Variants in HS3ST5 observed in about 807,000 individuals in gnomAD.
HS3ST5 encodes heparan sulfate-glucosamine 3-sulfotransferase 5, also known as heparan sulfate glucosamine 3-O-sulfotransferase 5.
A neutral mutation model predicts 25.4 loss-of-function variants in HS3ST5; 10 were observed. The observed-to-expected ratio is 0.39, with a 90% confidence interval of 0.24 to 0.67. The LOEUF (loss-of-function observed/expected upper bound fraction) is 0.67. Ranked by LOEUF, HS3ST5 falls within the 30% of genes least tolerant of loss-of-function variation. The pLI is 0.44. For synonymous variants in HS3ST5, 170 were observed against 162.4 expected, an observed-to-expected ratio of 1.05 and a Z score of -0.36; for missense variants, 324 against 420.7, an observed-to-expected ratio of 0.77 and a Z score of 2.01.
At chr6:114,099,104 A>T (rs13214829) in intron 3 of HS3ST5, among the ~76,000 whole-genome samples, 1 of 152,032 alleles carries the variant, frequency 6.6e-6, no homozygotes, top group African/African-American at 2.4e-5. Flanking sequence ...AGTCAGCGCT[A>T]GTCTTCCATG....
rs536631023 is a variant in HS3ST5 at position 114,057,986 on chromosome 6, C to T, written c.312G>A (p.Arg104=). Residue 104 remains arginine (R), a synonymous_variant, in exon 5 of 5, where the codon AGG becomes AGA. Coordinates refer to ENST00000312719, the MANE Select transcript of HS3ST5 (RefSeq NM_153612.4). The stretch of plus-strand genomic sequence containing the variant: ...GTAGGTTCAGCATTTCAAGCAGGGC[C>T]CTTGTGCCTCCTTTCCTCACCCCAA... ...IIIGVRKGGT[R]ALLEMLNLHP... 721 of 1,614,180 alleles carry T rather than the reference C, an allele frequency of 4.5e-4. 10 individuals are homozygous for T. In the South Asian group the frequency reaches 7.5e-3, roughly 17 times the overall value.
chr6:114,264,088 T>A (rs905460348), intron 1 of HS3ST5, among the ~76,000 whole-genome samples: 1 of 152,230 alleles, frequency 6.6e-6, no homozygotes, highest in African/African-American at 2.4e-5. Flanking sequence ...AATATGAATA[T>A]TATTTTAAAA....
Position 114,342,944 on chromosome 6 carries a change from T to G in HS3ST5, c.-1088A>C, listed in dbSNP as rs1214521023. 6.6e-6 allele frequency: 1 copy of G among 152,296 alleles called. No individual in the cohort carries two copies. The highest frequency in any genetic ancestry group is 1.5e-5 in the Non-Finnish European group (1 of 68,184). The allele number at this position is 152,296 out of a possible 1,614,324, so 9.4% of individuals were successfully genotyped here. On this transcript the variant is annotated 5_prime_UTR_variant, in exon 1 of 5. Coordinates refer to ENST00000312719, the MANE Select transcript of HS3ST5 (RefSeq NM_153612.4). The stretch of plus-strand genomic sequence containing the variant: ...AGACGTGCCCAGCTGTGTGCGCGTG[T>G]GTGTGTCTAAGCGAATCTCTTCCCC...
chr6:114,188,068 T>A (rs1294828608), intron 2 of HS3ST5, among the ~76,000 whole-genome samples: 2 of 152,190 alleles, frequency 1.3e-5, no homozygotes, highest in Non-Finnish European at 2.9e-5. Flanking sequence ...GCCAAAAAAA[T>A]TCATGTGACT....
At chr6:114,117,167 T>G (rs1776572065) in intron 3 of HS3ST5, among the ~76,000 whole-genome samples, 1 of 152,218 alleles carries the variant, frequency 6.6e-6, no homozygotes, top group East Asian at 1.9e-4. Flanking sequence ...CTAAAATTAA[T>G]GTTGAAGAAA....
rs181485957 is a variant in HS3ST5 at position 114,092,427 on chromosome 6, T to C, written c.-32-29550A>G. On this transcript the variant is annotated intron_variant, in intron 3 of 4. Coordinates refer to ENST00000312719, the MANE Select transcript of HS3ST5 (RefSeq NM_153612.4). ...TTTTAATATCATTGAAGAAATTAGC[T>C]TGAATAACCTGAAACTTAGCACACC... is the stretch of plus-strand genomic sequence containing the variant. Among the ~76,000 whole-genome samples, 14 of 152,240 alleles carry C rather than the reference T, an allele frequency of 9.2e-5. No homozygotes were observed. The East Asian group carries it at 2.3e-3, about 25-fold the overall frequency.
chr6:114,232,285 C>T (rs1261871759), intron 1 of HS3ST5, among the ~76,000 whole-genome samples: 1 of 152,120 alleles, frequency 6.6e-6, no homozygotes, highest in Non-Finnish European at 1.5e-5. Flanking sequence ...GGTCTATGAC[C>T]AATCATTTGG....
intron 1 of HS3ST5, among the ~76,000 whole-genome samples, chr6:114,253,827 C>A (rs1025777487): frequency 5.3e-5 from 8 of 152,134 alleles, no homozygotes; most frequent in African/African-American, 1.9e-4. Flanking sequence ...CTCCCCTATT[C>A]TCTATTTAAG....
chr6:114,312,299 T>G (rs1448626616), intron 1 of HS3ST5, among the ~76,000 whole-genome samples: 1 of 152,172 alleles, frequency 6.6e-6, no homozygotes, highest in Non-Finnish European at 1.5e-5. Flanking sequence ...ACAAATGTGC[T>G]GGAACAACTG....
chr6:114,284,221 G>T (rs1277762414), intron 1 of HS3ST5, among the ~76,000 whole-genome samples: 2 of 151,842 alleles, frequency 1.3e-5, no homozygotes, highest in African/African-American at 4.8e-5. Context: ...AGTCTATTTT[G>T]GCTTCATTTT....
intron 3 of HS3ST5, among the ~76,000 whole-genome samples, chr6:114,119,961 G>T (rs1476907854): frequency 1.3e-5 from 2 of 151,922 alleles, no homozygotes; most frequent in East Asian, 3.9e-4. Flanking sequence ...CCTGGCCAAC[G>T]TGATGAAACC....
rs149241638 is a variant in HS3ST5, at chr6:114,185,688, C to T, written c.-144-17226G>A. On this transcript the variant is annotated intron_variant, in intron 2 of 4. Transcript: ENST00000312719. ...TTGGTAATTCTCATAATATTTCAAG[C>T]TTTTTCATTATTAATATATCTGTTA... Among the ~76,000 whole-genome samples, 451 of 150,764 alleles carry T rather than the reference C, an allele frequency of 3.0e-3. 5 individuals carry two copies. Among genetic ancestry groups the T allele is most frequent in the African/African-American group, 0.011 (446 of 41,122 alleles).
chr6:114,092,621 A>T (rs947652709), intron 3 of HS3ST5, among the ~76,000 whole-genome samples: 1 of 151,818 alleles, frequency 6.6e-6, no homozygotes, highest in Non-Finnish European at 1.5e-5. Context: ...AAAAATCAAC[A>T]TATATGTTGT....
intron 3 of HS3ST5, among the ~76,000 whole-genome samples, chr6:114,146,624 C>A (rs1778175214): frequency 6.6e-6 from 1 of 152,168 alleles, no homozygotes; most frequent in African/African-American, 2.4e-5. Flanking sequence ...CACTCCTGCC[C>A]AAATCTCATG....
intron 3 of HS3ST5, among the ~76,000 whole-genome samples, chr6:114,068,034 T>C (rs1773568202): frequency 6.6e-6 from 1 of 152,064 alleles, no homozygotes; most frequent in Non-Finnish European, 1.5e-5. Flanking sequence ...GAAACATAAT[T>C]AATAGCTTCG....
chr6:114,176,499 A>T (rs1315397349), intron 2 of HS3ST5, among the ~76,000 whole-genome samples: 1 of 152,190 alleles, frequency 6.6e-6, no homozygotes, highest in Non-Finnish European at 1.5e-5. Context: ...CTCTAATCAG[A>T]GCCAAGCTAA....
intron 1 of HS3ST5, among the ~76,000 whole-genome samples, chr6:114,270,262 TTTAA>T (rs1479619018): frequency 2.0e-5 from 3 of 152,170 alleles, no homozygotes; most frequent in African/African-American, 2.4e-5. Flanking sequence ...AAATAAGTAA[TTTAA>T]TTAGTCTATT....
At position 114,186,875 on chromosome 6, in the gene HS3ST5, G is replaced by T. The variant is rs186771795; in HGVS notation, c.-144-18413C>A. Among the ~76,000 whole-genome samples, 553 of 152,236 alleles carry T rather than the reference G, an allele frequency of 3.6e-3. 7 individuals are homozygous for T. Among genetic ancestry groups the T allele is most frequent in the Non-Finnish European group, 2.9e-3 (199 of 68,014 alleles). On this transcript the variant is annotated intron_variant, in intron 2 of 4. Transcript: ENST00000312719. Reference sequence around the variant, plus strand: ...CTGATGACTTTATACTGAAGCCAATGTCCATTTACTATTCTGAACATATTA... The same window carrying T: ...CTGATGACTTTATACTGAAGCCAATTTCCATTTACTATTCTGAACATATTA...
chr6:114,152,419 T>G (rs1366725944), intron 3 of HS3ST5, among the ~76,000 whole-genome samples: 2 of 152,162 alleles, frequency 1.3e-5, no homozygotes, highest in African/African-American at 4.8e-5. Context: ...TTTTACATTT[T>G]TCACTCCAGA....
Sources: gnomAD v4.1 joint callset for allele counts (sites outside exome capture counted in the v4.1 genomes callset) on GRCh38, gnomAD v4.1.1 for gene constraint, MANE v1.5 for transcripts, NCBI Gene and HGNC (gene_info 2026-07-23, HGNC 2026-07-21) for gene names.